The following DNAH9 variants were observed in gnomAD, a reference collection of about 807,000 sequenced individuals.
DNAH9 encodes DNAH9 variant protein.
A neutral mutation model predicts 471.6 loss-of-function variants in DNAH9; 345 were observed. That is an observed-to-expected ratio of 0.73 (90% CI 0.67 to 0.80). The LOEUF is 0.80. DNAH9 is among the 30% of genes least tolerant of loss of function. DNAH9 has a pLI of 0.00. For missense variants in DNAH9, 5,407 were observed against 5,609.2 expected (o/e 0.96, Z 1.15); for synonymous variants, 2,093 against 2,123.6 (o/e 0.99, Z 0.40).
chr17:11,619,477 T>C lies in DNAH9; in HGVS notation c.1117-71T>C, dbSNP rs1186563795. 25 of 829,594 alleles carry C rather than the reference T, an allele frequency of 3.0e-5. No individual in the cohort carries two copies. In the Admixed American group the frequency reaches 4.2e-4, roughly 14 times the overall value. The allele number at this position is 829,594 out of a possible 1,614,324, so 51.4% of individuals were successfully genotyped here. A position where few individuals can be genotyped will look rare whatever the true frequency, so the allele number is the denominator to read the frequency against. ...AAATATTACTGGGGCAATGATTCAGTTCAGAGTTGGTGTTGCAAAGTTACA... is the reference window on the plus strand; with the variant it reads ...AAATATTACTGGGGCAATGATTCAGCTCAGAGTTGGTGTTGCAAAGTTACA... On this transcript the variant is annotated intron_variant, in intron 5 of 68. Coordinates refer to ENST00000262442, the MANE Select transcript of DNAH9 (RefSeq NM_001372.4).
rs779253451 is a variant in DNAH9, at chr17:11,854,108, G to A, written c.9613G>A (p.Asp3205Asn). 1.2e-6 allele frequency: 2 copies of A among 1,614,150 alleles called. No individual in the cohort carries two copies. The highest frequency in any genetic ancestry group is 1.7e-6 in the Non-Finnish European group (2 of 1,180,036). The change falls in exon 50 of 69, where the codon GAC (aspartate) becomes AAC (asparagine). Residue 3205 changes from aspartate to asparagine, a missense_variant. Physicochemically the swap from Asp to Asn is conservative, Grantham distance 23 (BLOSUM62 1). This residue lies in a region of DNAH9 where 4,636 missense variants were observed against 4,900.3 expected (regional missense o/e 0.95). Transcript: ENST00000262442. ...LMAPRGRVPK[D>N]RSWKAAKVTM... The stretch of plus-strand genomic sequence containing the variant: ...GGCTCCCAGGGGTAGGGTGCCCAAG[G>A]ACCGGAGCTGGAAGGCTGCTAAGGT...
In DNAH9 at chr17:11,853,985, C is replaced by T; in HGVS notation, c.9508-18C>T. Reference sequence around the variant, plus strand: ...AGCCCATTCATGTTCCCCTAACCACCTCCTTCTCTTTTCCCAGACCAACCT... The same window carrying T: ...AGCCCATTCATGTTCCCCTAACCACTTCCTTCTCTTTTCCCAGACCAACCT... On this transcript the variant is annotated intron_variant, in intron 49 of 68. Coordinates refer to ENST00000262442, the MANE Select transcript of DNAH9 (RefSeq NM_001372.4). 6.2e-7 allele frequency: 1 copy of T among 1,610,366 alleles called. No individual in the cohort carries two copies. The highest frequency in any genetic ancestry group is 1.3e-5 in the African/African-American group (1 of 74,934).
rs780527048 is a variant in DNAH9, at chr17:11,784,413, G to A, written c.7935G>A (p.Gln2645=). The A allele has an allele frequency of 1.1e-5, 18 of 1,614,024 alleles. No homozygotes were observed. Among genetic ancestry groups the A allele is most frequent in the Middle Eastern group, 3.3e-4 (2 of 6,084 alleles). ...LKLGNFPASL[Q]KSIPPLIDLA... The stretch of plus-strand genomic sequence containing the variant: ...TCGGAAACTTCCCGGCGTCCCTGCA[G>A]AAATCCATCCCCCCACTGATCGATC... The change falls in exon 41 of 69, where the codon CAG becomes CAA. Residue 2645 remains glutamine, a synonymous_variant. Coordinates refer to ENST00000262442, the MANE Select transcript of DNAH9 (RefSeq NM_001372.4).
At chr17:11,827,110 C>A (rs1970525847) in intron 48 of DNAH9, among the ~76,000 whole-genome samples, 1 of 152,106 alleles carries the variant, frequency 6.6e-6, no homozygotes, top group East Asian at 1.9e-4. Context: ...CAGGCGTGAG[C>A]CACCATGCCT....
intron 39 of DNAH9, among the ~76,000 whole-genome samples, chr17:11,783,202 A>C (rs974322063): frequency 1.3e-5 from 2 of 152,092 alleles, no homozygotes; most frequent in Admixed American, 1.3e-4. Flanking sequence ...TCTAGTGATA[A>C]GTGGAAAAGA....
rs147034542 is a variant in DNAH9 at position 11,938,284 on chromosome 17, C to T, written c.12660+762C>T. ...ACCAGCCTGGCCAACATGGTGAAAC[C>T]CCATCTCTACTAAAAAATACAAAAA... On this transcript the variant is annotated intron_variant, in intron 66 of 68. Transcript: ENST00000262442. 9.6e-3 allele frequency among the ~76,000 whole-genome samples: 1,453 copies of T among 151,976 alleles called. 26 individuals carry two copies. The highest frequency in any genetic ancestry group is 0.034 in the African/African-American group (1,405 of 41,434).
chr17:11,802,163 C>T (rs1205131603), intron 43 of DNAH9, among the ~76,000 whole-genome samples: 4 of 152,182 alleles, frequency 2.6e-5, no homozygotes, highest in Non-Finnish European at 5.9e-5. Flanking sequence ...ATGGACCTCT[C>T]GTTGCTGCCT....
At chr17:11,647,032 AG>A in intron 11 of DNAH9, 39 bp from the exon 12 acceptor site, 1 of 1,607,192 alleles carries the variant, frequency 6.2e-7, no homozygotes, top group Non-Finnish European at 8.5e-7. Context: ...GTGAGCTGGG[AG>A]GGGGCTTATG....
intron 56 of DNAH9, among the ~76,000 whole-genome samples, chr17:11,885,302 G>A (rs1972847102): frequency 6.6e-6 from 1 of 152,188 alleles, no homozygotes; most frequent in African/African-American, 2.4e-5. Flanking sequence ...TGCTTCCCTT[G>A]AGTGTAACTG....
At chr17:11,778,284 A>C (rs947982826) in intron 38 of DNAH9, among the ~76,000 whole-genome samples, 1 of 138,178 alleles carries the variant, frequency 7.2e-6, no homozygotes, top group Non-Finnish European at 1.5e-5. Flanking sequence ...CAGCCAAAAC[A>C]GTGCCACTGC....
rs1192225969 is a variant in DNAH9, at chr17:11,932,504, G to A, written c.12297+299G>A. On this transcript the variant is annotated intron_variant, in intron 64 of 68. Transcript: ENST00000262442. The surrounding 1 kb of genome is among the most constrained non-coding windows in gnomAD (Gnocchi z 4.3). ...GACCTGGGAGCTAGTTAGAAATGCA[G>A]AATCTCAGGTCCCACCCAAACTTAC... Among the ~76,000 whole-genome samples, 2 of 152,188 alleles carry A rather than the reference G, an allele frequency of 1.3e-5. No homozygotes were observed. The highest frequency in any genetic ancestry group is 6.5e-5 in the Admixed American group (1 of 15,284).
chr17:11,941,970 A>C (rs905131626), intron 66 of DNAH9, among the ~76,000 whole-genome samples: 2 of 152,148 alleles, frequency 1.3e-5, no homozygotes, highest in Non-Finnish European at 2.9e-5. Flanking sequence ...AGTCTGTCTT[A>C]TGGCTTTCTA....
chr17:11,807,668 T>TG, intron 43 of DNAH9, 64 bp from the exon 44 acceptor site: 1 of 1,540,356 alleles, frequency 6.5e-7, no homozygotes, highest in African/African-American at 1.4e-5. Flanking sequence ...CTCAAGCCTT[T>TG]ATACATGCTT....
At chr17:11,958,749 G>A (rs1381185583) in intron 67 of DNAH9, among the ~76,000 whole-genome samples, 2 of 150,790 alleles carry the variant, frequency 1.3e-5, no homozygotes, top group African/African-American at 4.9e-5. Context: ...AAAAAATAAA[G>A]TATATTAAGA....
At chr17:11,839,769 GC>G (rs1284393056) in intron 49 of DNAH9, among the ~76,000 whole-genome samples, 1 of 152,102 alleles carries the variant, frequency 6.6e-6, no homozygotes, top group Non-Finnish European at 1.5e-5. Flanking sequence ...AAGGTATGAT[GC>G]TTTTGATATG....
intron 38 of DNAH9, among the ~76,000 whole-genome samples, chr17:11,771,604 T>C (rs560979021): frequency 6.6e-6 from 1 of 152,232 alleles, no homozygotes; most frequent in Non-Finnish European, 1.5e-5. Context: ...GGCAGTGGCC[T>C]TAAGCCGACT....
chr17:11,638,141 C>T (rs1471806114), intron 9 of DNAH9, among the ~76,000 whole-genome samples: 1 of 151,254 alleles, frequency 6.6e-6, no homozygotes, highest in Non-Finnish European at 1.5e-5. Context: ...TTATCAAAGG[C>T]TTTTAAGTAG....
chr17:11,762,759 T>TTTTTTTTGTTGTTG (rs1555584577), intron 35 of DNAH9, among the ~76,000 whole-genome samples: 1 of 72,244 alleles, frequency 1.4e-5, no homozygotes, highest in East Asian at 3.9e-4. Flanking sequence ...TTTAGGTGCG[T>TTTTTTTTGTTGTTG]TTTTTTTTTT....
In DNAH9 at chr17:11,629,427, A is replaced by G. The variant is rs149806029; in HGVS notation, c.1361A>G (p.Lys454Arg). The change falls in exon 7 of 69, where the codon AAG (lysine) becomes AGG (arginine). Residue 454 changes from lysine (K) to arginine (R), a missense_variant. Physicochemically the swap from Lys to Arg is conservative, Grantham distance 26. Coordinates refer to ENST00000262442, the MANE Select transcript of DNAH9 (RefSeq NM_001372.4). ...GAATTGTCCCCATAGGGTCTTCTGA[A>G]GACGGCCCTGGATTTCCACAAACTG... is the stretch of plus-strand genomic sequence containing the variant. Reference protein sequence around the residue: ...GQLHVVEGLLKTALDFHKLGK... With the variant: ...GQLHVVEGLLRTALDFHKLGK... The G allele has an allele frequency of 2.5e-6, 4 of 1,613,900 alleles. No homozygotes were observed. Among genetic ancestry groups the G allele is most frequent in the Non-Finnish European group, 3.4e-6 (4 of 1,179,920 alleles).
Sources: allele counts gnomAD v4.1 joint callset (sites outside exome capture counted in the v4.1 genomes callset), GRCh38; gene constraint gnomAD v4.1.1; regional missense constraint gnomAD v4.1.1; non-coding constraint Gnocchi (gnomAD v3.1); transcripts MANE v1.5; gene names NCBI Gene and HGNC (gene_info 2026-07-23, HGNC 2026-07-21).